Variants in PBX1 observed in about 807,000 individuals in gnomAD.
PBX1 encodes the protein PBX homeobox 1.
PBX1 carries 6 observed loss-of-function variants against 53.4 expected under a neutral mutation model. That is an observed-to-expected ratio of 0.11 (90% confidence interval 0.06 to 0.22). The LOEUF (loss-of-function observed/expected upper bound fraction) is 0.22, where lower values mean the gene tolerates loss of function less well. Among genes scored for constraint, PBX1 ranks in the 10% least tolerant of loss-of-function variants. The pLI is 1.00. For synonymous variants in PBX1, 204 were observed against 212.3 expected (o/e 0.96, Z 0.34); for missense variants, 251 against 551.4 (o/e 0.46, Z 5.46).
chr1:164,688,850 T>A (rs539353193), intron 2 of PBX1, among the ~76,000 whole-genome samples: 1 of 152,256 alleles, frequency 6.6e-6, no homozygotes, highest in African/African-American at 2.4e-5. Flanking sequence ...TCATGGAAAC[T>A]GCTGTAATGC....
chr1:164,696,106 A>G (rs569696135), intron 2 of PBX1, among the ~76,000 whole-genome samples: 9 of 152,296 alleles, frequency 5.9e-5, no homozygotes, highest in African/African-American at 1.9e-4. Flanking sequence ...CATAGATGAC[A>G]TGTTCTGAAA....
chr1:164,759,426 G>A (rs1169346812), intron 2 of PBX1, among the ~76,000 whole-genome samples: 2 of 152,210 alleles, frequency 1.3e-5, no homozygotes, highest in South Asian at 2.1e-4. Context: ...GCCCAAGGAA[G>A]CCAAGACTCC....
At chr1:164,795,741 T>C (rs1379694182) in intron 3 of PBX1, among the ~76,000 whole-genome samples, 1 of 152,210 alleles carries the variant, frequency 6.6e-6, no homozygotes, top group East Asian at 1.9e-4. Flanking sequence ...TCTTCATTTT[T>C]CCTGTAACAG....
intron 6 of PBX1, chr1:164,816,824 C>T (rs1669901305): frequency 6.9e-6 from 1 of 144,136 alleles, no homozygotes; most frequent in South Asian, 2.3e-4. Context: ...ATGAAGTTAA[C>T]TGATTTTTTT....
intron 8 of PBX1, among the ~76,000 whole-genome samples, chr1:164,823,249 G>A (rs964381469): frequency 6.6e-6 from 1 of 152,026 alleles, no homozygotes. Flanking sequence ...TGACTTACTG[G>A]GAAGACTGCT....
intron 2 of PBX1, among the ~76,000 whole-genome samples, chr1:164,878,206 T>C (rs1445930701): frequency 6.6e-6 from 1 of 152,216 alleles, no homozygotes; most frequent in Non-Finnish European, 1.5e-5. Context: ...TGTCTGAGGC[T>C]GTTTTTTTCC....
chr1:164,663,531 C>T lies in PBX1; in HGVS notation c.265+100220C>T, dbSNP rs188998549. Among the ~76,000 whole-genome samples the T allele has an allele frequency of 7.2e-5, 11 of 152,270 alleles. No homozygotes were observed. In the East Asian group the frequency reaches 7.7e-4, roughly 11 times the overall value. On this transcript the variant is annotated intron_variant, in intron 2 of 8. Coordinates refer to ENST00000420696, the MANE Select transcript of PBX1 (RefSeq NM_002585.4). ...TAGCTTGCCTGATCTGGGACCTGAA[C>T]GTAAAGATACTTATCATCGACATGC...
chr1:164,564,711 AT>A (rs1162707814), intron 2 of PBX1, among the ~76,000 whole-genome samples: 1 of 152,130 alleles, frequency 6.6e-6, no homozygotes, highest in African/African-American at 2.4e-5. Context: ...CTTTTAAAAG[AT>A]TTATGGACTG....
intron 2 of PBX1, among the ~76,000 whole-genome samples, chr1:164,663,309 CCTCTCTCT>C (rs150696368): frequency 1.3e-5 from 2 of 149,434 alleles, no homozygotes; most frequent in Admixed American, 1.3e-4. Context: ...TTCCTGCCTT[CCTCTCTCT>C]CTCTCTCTCT....
chr1:164,833,539 G>T (rs1016785385), intron 8 of PBX1, among the ~76,000 whole-genome samples: 1 of 152,180 alleles, frequency 6.6e-6, no homozygotes, highest in Non-Finnish European at 1.5e-5. Context: ...GTACTTCCTA[G>T]TTCCTTCAGA....
intron 2 of PBX1, among the ~76,000 whole-genome samples, chr1:164,745,733 C>T (rs1297135936): frequency 1.3e-5 from 2 of 152,228 alleles, no homozygotes; most frequent in South Asian, 2.1e-4. Flanking sequence ...CTAATAAGGA[C>T]ATTAACAGAG....
intron 8 of PBX1, among the ~76,000 whole-genome samples, chr1:164,838,858 C>G (rs1322987781): frequency 1.3e-5 from 2 of 152,208 alleles, no homozygotes; most frequent in African/African-American, 4.8e-5. Flanking sequence ...ATTTCTCCTT[C>G]CATTCAATCA....
At chr1:164,615,642 G>A (rs1352985268) in intron 2 of PBX1, among the ~76,000 whole-genome samples, 1 of 152,170 alleles carries the variant, frequency 6.6e-6, no homozygotes, top group Admixed American at 6.5e-5. Flanking sequence ...CGACGAGGTG[G>A]TGATGTGAAA....
chr1:164,751,933 T>G (rs1455331444), intron 2 of PBX1, among the ~76,000 whole-genome samples: 1 of 152,076 alleles, frequency 6.6e-6, no homozygotes, highest in Non-Finnish European at 1.5e-5. Context: ...AGTCTCAAAT[T>G]TATGAATATT....
chr1:164,850,427 A>G lies in PBX1; in HGVS notation c.*3751A>G, dbSNP rs1671777051. On this transcript the variant is annotated 3_prime_UTR_variant, in exon 9 of 9. Transcript: ENST00000420696. Reference sequence around the variant, plus strand: ...TGTTTATTAACTTTGAGACCCAGAAATAAATTCTTTTCTTTTCTTGATTCT... The same window carrying G: ...TGTTTATTAACTTTGAGACCCAGAAGTAAATTCTTTTCTTTTCTTGATTCT... The G allele has an allele frequency of 4.9e-6, 1 of 203,938 alleles. No individual in the cohort carries two copies. Among genetic ancestry groups the G allele is most frequent in the South Asian group, 1.9e-4 (1 of 5,278 alleles). 12.6% of individuals were successfully genotyped at this position (203,938 alleles called of 1,614,324 possible). A position where few individuals can be genotyped will look rare whatever the true frequency, so the allele number is the denominator to read the frequency against.
At position 164,773,243 on chromosome 1, in the gene PBX1, G is replaced by GCGCACACACACACA. The variant is rs113836981; in HGVS notation, c.266-19250_266-19249insGCACACACACACAC. On this transcript the variant is annotated intron_variant, in intron 2 of 8. Coordinates refer to ENST00000420696, the MANE Select transcript of PBX1 (RefSeq NM_002585.4). ...CAGCTCTTGCATATAGGTAACACGCGCACACACACACACACACACACACAC... is the reference window on the plus strand; with the variant it reads ...CAGCTCTTGCATATAGGTAACACGCGCGCACACACACACACACACACACACACACACACACACAC... 7.2e-4 allele frequency among the ~76,000 whole-genome samples: 107 copies of GCGCACACACACACA among 147,778 alleles called. No individual in the cohort carries two copies. The South Asian group carries it at 0.014, about 19-fold the overall frequency.
At chr1:164,674,127 T>C (rs1213466986) in intron 2 of PBX1, among the ~76,000 whole-genome samples, 1 of 152,206 alleles carries the variant, frequency 6.6e-6, no homozygotes, top group East Asian at 1.9e-4. Flanking sequence ...TAGCCATCAG[T>C]CCCTGGTAAA....
At chr1:164,587,311 GGAGTGTTGTGGA>G (rs1164763889) in intron 2 of PBX1, among the ~76,000 whole-genome samples, 2 of 152,186 alleles carry the variant, frequency 1.3e-5, no homozygotes, top group Non-Finnish European at 2.9e-5. Context: ...ACACCAGAGG[GGAGTGTTGTGGA>G]GAGTGTTGTG....
At chr1:164,776,031 GA>G in intron 2 of PBX1, among the ~76,000 whole-genome samples, 1 of 152,232 alleles carries the variant, frequency 6.6e-6, no homozygotes, top group Middle Eastern at 3.4e-3. Flanking sequence ...TTTTCTCTAT[GA>G]CACTATCATT....
Sources: gnomAD v4.1 joint callset for allele counts (sites outside exome capture counted in the v4.1 genomes callset) on GRCh38, gnomAD v4.1.1 for gene constraint, MANE v1.5 for transcripts, NCBI Gene and HGNC (gene_info 2026-07-23, HGNC 2026-07-21) for gene names.